The following DTNB variants were observed in gnomAD, a reference collection of about 807,000 sequenced individuals.
DTNB encodes the protein DTN-B.
Under a neutral mutation model 90.7 loss-of-function variants are expected in DTNB, and 63 were observed. That is an observed-to-expected ratio of 0.69 (90% CI 0.57 to 0.86). DTNB has a LOEUF of 0.86. Among genes scored for constraint, DTNB ranks in the 40% least tolerant of loss-of-function variants. The pLI, the probability that DTNB is intolerant of heterozygous loss-of-function variation, is 0.00. For missense variants in DTNB, 744 were observed against 807.1 expected (o/e 0.92, Z 0.95); for synonymous variants, 277 against 286.7 (o/e 0.97, Z 0.34).
At chr2:25,671,070 T>C (rs1032832351) in intron 1 of DTNB, among the ~76,000 whole-genome samples, 4 of 152,226 alleles carry the variant, frequency 2.6e-5, no homozygotes, top group African/African-American at 9.6e-5. Flanking sequence ...GCAAGAGTAG[T>C]GATGCTGGCA....
chr2:25,624,659 A>G (rs1160299438), intron 4 of DTNB, among the ~76,000 whole-genome samples: 1 of 152,196 alleles, frequency 6.6e-6, no homozygotes, highest in East Asian at 1.9e-4. Context: ...TGGAAATAGA[A>G]AGGGGATTTT....
Position 25,450,391 on chromosome 2 carries a change from G to A in DTNB, c.1257+1157C>T, listed in dbSNP as rs557120649. On this transcript the variant is annotated intron_variant, in intron 12 of 20. Coordinates refer to ENST00000406818, the MANE Select transcript of DTNB (RefSeq NM_021907.5). ...GTGTCTTTTATGGATACTCTATTCT[G>A]TTCCTTTGATTTATTTGTTCATCCT... Among the ~76,000 whole-genome samples the A allele has an allele frequency of 2.6e-5, 4 of 152,054 alleles. No homozygotes were observed. The South Asian group carries it at 8.3e-4, about 31-fold the overall frequency.
chr2:25,492,575 A>C (rs1236428202), intron 9 of DTNB, among the ~76,000 whole-genome samples: 1 of 152,168 alleles, frequency 6.6e-6, no homozygotes, highest in Non-Finnish European at 1.5e-5. Flanking sequence ...TTAAAGATGA[A>C]GGAGTAGGCT....
intron 9 of DTNB, among the ~76,000 whole-genome samples, chr2:25,527,362 A>C (rs1363095865): frequency 6.6e-6 from 1 of 152,162 alleles, no homozygotes; most frequent in Non-Finnish European, 1.5e-5. Flanking sequence ...GTCTCTACCA[A>C]AATTACAAAA....
chr2:25,526,391 A>ATT (rs1312936429), intron 9 of DTNB, among the ~76,000 whole-genome samples: 18 of 64,586 alleles, frequency 2.8e-4, no homozygotes, highest in African/African-American at 7.3e-4. Flanking sequence ...ATATATATAT[A>ATT]TATATTTTTT....
At chr2:25,658,494 T>C (rs896643692) in intron 1 of DTNB, among the ~76,000 whole-genome samples, 1 of 152,206 alleles carries the variant, frequency 6.6e-6, no homozygotes, top group African/African-American at 2.4e-5. Context: ...TTATTCTTGA[T>C]TGCCAAAAGC....
chr2:25,388,291 C>T lies in DTNB; in HGVS notation c.1646G>A (p.Arg549His), dbSNP rs781578087. 73 of 1,612,974 alleles carry T rather than the reference C, an allele frequency of 4.5e-5. No homozygotes were observed. Among genetic ancestry groups the T allele is most frequent in the Non-Finnish European group, 5.3e-5 (63 of 1,179,610 alleles). The change falls in exon 17 of 21, where the codon CGC (arginine) becomes CAC (histidine). Residue 549 changes from arginine (R) to histidine (H), a missense_variant. Arg to His is a conservative substitution (Grantham distance 29). Coordinates refer to ENST00000406818, the MANE Select transcript of DTNB (RefSeq NM_021907.5). ...GGGGGTGGAGCCGGCAGACGTGGAG[C>T]GCACTGGCATGGGCATTGGCCGGCC... is the stretch of plus-strand genomic sequence containing the variant. ...GGGRPMPMPV[R>H]STSAGSTPTH...
intron 16 of DTNB, among the ~76,000 whole-genome samples, chr2:25,395,024 A>C (rs924681557): frequency 3.3e-5 from 5 of 152,252 alleles, no homozygotes; most frequent in African/African-American, 1.2e-4. Context: ...AATGGGATAG[A>C]TACACCATGG....
intron 6 of DTNB, among the ~76,000 whole-genome samples, chr2:25,590,256 T>C (rs1258119734): frequency 2.0e-5 from 3 of 152,200 alleles, no homozygotes. Flanking sequence ...GCAAGGGGCA[T>C]ATTTCAGCCC....
intron 1 of DTNB, among the ~76,000 whole-genome samples, chr2:25,656,258 C>A (rs778327755): frequency 6.6e-6 from 1 of 152,174 alleles, no homozygotes; most frequent in African/African-American, 2.4e-5. Flanking sequence ...TTACTATAAA[C>A]CATTTCCCTA....
intron 9 of DTNB, among the ~76,000 whole-genome samples, chr2:25,503,007 T>C (rs928619709): frequency 1.5e-5 from 2 of 131,774 alleles, no homozygotes; most frequent in African/African-American, 5.9e-5. Flanking sequence ...TGAGCCATGA[T>C]TGTGCCTCTG....
At chr2:25,559,971 G>A (rs993448639) in intron 8 of DTNB, among the ~76,000 whole-genome samples, 2 of 152,248 alleles carry the variant, frequency 1.3e-5, no homozygotes, top group South Asian at 2.1e-4. Context: ...GGGGCCGGGC[G>A]TGGTGGGTGG....
chr2:25,652,936 A>C (rs762185339), intron 1 of DTNB: 9 of 288,376 alleles, frequency 3.1e-5, no homozygotes, highest in Non-Finnish European at 5.1e-5. Flanking sequence ...TCTAACTTTG[A>C]TTATTTTCTC....
intron 12 of DTNB, among the ~76,000 whole-genome samples, chr2:25,445,742 T>C (rs1159868500): frequency 6.6e-6 from 1 of 152,170 alleles, no homozygotes; most frequent in Non-Finnish European, 1.5e-5. Flanking sequence ...TGGTTAATGC[T>C]TGGACACTCT....
intron 9 of DTNB, among the ~76,000 whole-genome samples, chr2:25,503,856 G>A (rs1417941597): frequency 6.6e-6 from 1 of 151,966 alleles, no homozygotes; most frequent in Admixed American, 6.6e-5. Context: ...GGTGGAGCTT[G>A]CAGTGAGCTG....
chr2:25,590,273 C>T (rs901954130), intron 6 of DTNB, among the ~76,000 whole-genome samples: 3 of 152,194 alleles, frequency 2.0e-5, no homozygotes, highest in Admixed American at 1.3e-4. Flanking sequence ...GCCCTGTTTA[C>T]GTTATAGCTC....
At chr2:25,589,645 T>C (rs867073274) in intron 6 of DTNB, among the ~76,000 whole-genome samples, 5 of 152,104 alleles carry the variant, frequency 3.3e-5, no homozygotes, top group South Asian at 2.1e-4. Context: ...CTGCTGGGAT[T>C]ACAGGCGTGA....
At chr2:25,641,399 T>C (rs188268336) in intron 2 of DTNB, among the ~76,000 whole-genome samples, 1 of 152,326 alleles carries the variant, frequency 6.6e-6, no homozygotes, top group Non-Finnish European at 1.5e-5. Flanking sequence ...CAATCATCTT[T>C]CCTGGTTTCT....
intron 12 of DTNB, among the ~76,000 whole-genome samples, chr2:25,440,851 C>T (rs534956038): frequency 1.3e-5 from 2 of 152,300 alleles, no homozygotes; most frequent in South Asian, 2.1e-4. Context: ...CCCCTACAGA[C>T]GTCAGCAGAC....
Sources: gnomAD v4.1 joint callset for allele counts (sites outside exome capture counted in the v4.1 genomes callset) on GRCh38, gnomAD v4.1.1 for gene constraint, MANE v1.5 for transcripts, NCBI Gene and HGNC (gene_info 2026-07-23, HGNC 2026-07-21) for gene names.